The following ACSBG1 variants were observed in gnomAD, a reference collection of about 807,000 sequenced individuals.
The protein encoded by ACSBG1 is long-chain-fatty-acid--CoA ligase ACSBG1.
Under a neutral mutation model 80.2 loss-of-function variants are expected in ACSBG1, and 39 were observed. The ratio of observed to expected loss-of-function variants is 0.49; its 90% CI spans 0.38 to 0.64. ACSBG1 has a LOEUF of 0.64. Ranked by LOEUF, ACSBG1 falls within the 30% of genes least tolerant of loss-of-function variation. ACSBG1 has a pLI of 0.00. For missense variants in ACSBG1, 828 were observed against 966.4 expected, an observed-to-expected ratio of 0.86 and a Z score of 1.90; for synonymous variants, 392 against 379.5, an observed-to-expected ratio of 1.03 and a Z score of -0.38.
intron 3 of ACSBG1, among the ~76,000 whole-genome samples, chr15:78,194,232 C>T (rs989587666): frequency 3.3e-5 from 5 of 152,252 alleles, no homozygotes; most frequent in Non-Finnish European, 5.9e-5. Flanking sequence ...CTGTCCGGCC[C>T]CTCAGCCCAG....
At chr15:78,225,656 TCAAA>T (rs1279156871) in intron 1 of ACSBG1, among the ~76,000 whole-genome samples, 2 of 151,986 alleles carry the variant, frequency 1.3e-5, no homozygotes, top group Non-Finnish European at 1.5e-5. Context: ...CAGTCAAATT[TCAAA>T]CAGTCTTTTT....
At chr15:78,207,928 A>ACCCCCCCCCCCC in intron 2 of ACSBG1, 74 bp downstream of exon 2, 1 of 383,786 alleles carries the variant, frequency 2.6e-6, no homozygotes, top group Non-Finnish European at 5.2e-6. Context: ...CCCCCACACC[A>ACCCCCCCCCCCC]CCCACCCCTC....
chr15:78,190,303 C>A (rs1381576671), intron 5 of ACSBG1, among the ~76,000 whole-genome samples: 1 of 124 alleles, frequency 8.1e-3, no homozygotes, highest in Non-Finnish European at 0.021. Context: ...AGGTTATAAA[C>A]CCCACAAACA....
At chr15:78,226,172 A>G (rs1281586311) in intron 1 of ACSBG1, among the ~76,000 whole-genome samples, 1 of 152,250 alleles carries the variant, frequency 6.6e-6, no homozygotes, top group African/African-American at 2.4e-5. Flanking sequence ...AAAATGTACA[A>G]TTAAATTGTT....
chr15:78,201,677 G>C (rs913137192), intron 2 of ACSBG1, among the ~76,000 whole-genome samples: 1 of 152,210 alleles, frequency 6.6e-6, no homozygotes, highest in South Asian at 2.1e-4. Context: ...CCACCCGTGG[G>C]CTCTGCTCAC....
intron 1 of ACSBG1, chr15:78,209,263 T>G (rs1170986496): frequency 2.2e-6 from 1 of 455,650 alleles, no homozygotes; most frequent in Non-Finnish European, 4.4e-6. Context: ...AGATAGGTTT[T>G]AAAGCGAAAG....
intron 2 of ACSBG1, among the ~76,000 whole-genome samples, chr15:78,202,090 G>C (rs2075174018): frequency 6.6e-6 from 1 of 152,176 alleles, no homozygotes; most frequent in Non-Finnish European, 1.5e-5. Context: ...GCGGCAGTAG[G>C]GCAGGGAGAA....
chr15:78,207,872 C>T, intron 2 of ACSBG1, 130 bp downstream of exon 2: 2 of 727,282 alleles, frequency 2.7e-6, no homozygotes, highest in Non-Finnish European at 4.7e-6. Flanking sequence ...GAGCGTGGAA[C>T]CAGCAAGATC....
intron 1 of ACSBG1, among the ~76,000 whole-genome samples, chr15:78,218,328 G>A (rs2141379988): frequency 6.6e-6 from 1 of 152,258 alleles, no homozygotes; most frequent in East Asian, 1.9e-4. Flanking sequence ...TGGAGGCATT[G>A]TGGGGGCATT....
At chr15:78,233,754 G>A (rs80157063) in intron 1 of ACSBG1, among the ~76,000 whole-genome samples, 177 of 152,320 alleles carry the variant, frequency 1.2e-3, no homozygotes, top group African/African-American at 4.1e-3. Context: ...CCAGGGCTGG[G>A]ACTGAGTCTC....
chr15:78,185,400 T>A (rs2074991440), intron 5 of ACSBG1, among the ~76,000 whole-genome samples: 1 of 152,144 alleles, frequency 6.6e-6, no homozygotes, highest in African/African-American at 2.4e-5. Flanking sequence ...AAGGGTCATG[T>A]CTTAGTGATG....
Position 78,208,057 on chromosome 15 carries a change from A to G in ACSBG1, c.177T>C (p.His59=). Reference sequence around the variant, plus strand: ...TCTCTGGCACTGAGAGCTCGAGAGCATGGTTCAGGGACTCTTTGGAGAGTG... The same window carrying G: ...TCTCTGGCACTGAGAGCTCGAGAGCGTGGTTCAGGGACTCTTTGGAGAGTG... ...RQPLSKESLN[H]ALELSVPEKV... The change falls in exon 2 of 14, where the codon CAT becomes CAC. Residue 59 remains histidine (H), a synonymous_variant. Transcript: ENST00000258873. The G allele has an allele frequency of 6.2e-7, 1 of 1,611,780 alleles. No homozygotes were observed. Among genetic ancestry groups the G allele is most frequent in the Non-Finnish European group, 8.5e-7 (1 of 1,178,752 alleles).
chr15:78,176,523 T>G (rs913848255), intron 11 of ACSBG1, among the ~76,000 whole-genome samples: 12 of 152,054 alleles, frequency 7.9e-5, no homozygotes, highest in Non-Finnish European at 1.5e-4. Context: ...GAAAAAAAAT[T>G]TTGCGGCAAC....
chr15:78,232,702 GAGA>G (rs2075456768), intron 1 of ACSBG1, among the ~76,000 whole-genome samples: 1 of 121,982 alleles, frequency 8.2e-6, no homozygotes, highest in Middle Eastern at 4.0e-3. Context: ...TTTTTTTTTT[GAGA>G]AGGACTTTTG....
chr15:78,220,687 T>C (rs2075353176), intron 1 of ACSBG1, among the ~76,000 whole-genome samples: 1 of 152,176 alleles, frequency 6.6e-6, no homozygotes, highest in African/African-American at 2.4e-5. Context: ...CCAAAGAAGA[T>C]ATGCAAATGG....
chr15:78,217,325 A>G lies in ACSBG1; in HGVS notation c.132-9223T>C, dbSNP rs529341431. 2.6e-5 allele frequency among the ~76,000 whole-genome samples: 4 copies of G among 152,346 alleles called. No homozygotes were observed. The South Asian group carries it at 8.3e-4, about 32-fold the overall frequency. On this transcript the variant is annotated intron_variant, in intron 1 of 13. Coordinates refer to ENST00000258873, the MANE Select transcript of ACSBG1 (RefSeq NM_015162.5). ...ACTTTACAGATGAGGAAACTGAGATACAGAGAAATTAGGGAAATTGACAAG... is the reference window on the plus strand; with the variant it reads ...ACTTTACAGATGAGGAAACTGAGATGCAGAGAAATTAGGGAAATTGACAAG...
At chr15:78,201,837 T>A (rs2075171185) in intron 2 of ACSBG1, among the ~76,000 whole-genome samples, 1 of 152,188 alleles carries the variant, frequency 6.6e-6, no homozygotes, top group African/African-American at 2.4e-5. Context: ...TGTTGAGCCT[T>A]GGACATTGGC....
At position 78,193,971 on chromosome 15, in the gene ACSBG1, G is replaced by T. The variant is rs748370226; in HGVS notation, c.503C>A (p.Pro168Gln). 2.5e-6 allele frequency: 4 copies of T among 1,613,946 alleles called. No homozygotes were observed. In the South Asian group the frequency reaches 4.4e-5, roughly 18 times the overall value. Residue 168 changes from proline to glutamine, a missense_variant, in exon 4 of 14, where the codon CCG becomes CAG. Pro to Gln is a moderately conservative substitution (Grantham distance 76). Around this residue, in one of 3 missense-constraint regions of ACSBG1, gnomAD observed 356 missense variants for 363.5 expected, o/e 0.98. Coordinates refer to ENST00000258873, the MANE Select transcript of ACSBG1 (RefSeq NM_015162.5). Reference protein sequence around the residue: ...HSVAILGFNSPEWFFSAVGTV... With the variant: ...HSVAILGFNSQEWFFSAVGTV... ...GCCCACTGCCGAGAAGAACCACTCC[G>T]GGGAGTTGAAGCCGAGGATGGCCAC...
chr15:78,198,279 G>A (rs1210239067), intron 2 of ACSBG1, among the ~76,000 whole-genome samples: 2 of 152,170 alleles, frequency 1.3e-5, no homozygotes, highest in Non-Finnish European at 2.9e-5. Flanking sequence ...GGCCTCAAGT[G>A]ATTGACCTGC....
Sources: gnomAD v4.1 joint callset for allele counts (sites outside exome capture counted in the v4.1 genomes callset) on GRCh38, gnomAD v4.1.1 for gene constraint, gnomAD v4.1.1 regional missense constraint, MANE v1.5 for transcripts, NCBI Gene and HGNC (gene_info 2026-07-23, HGNC 2026-07-21) for gene names.